Variants in ABI3BP observed in about 807,000 individuals in gnomAD.
ABI3BP encodes target of Nesh-SH3.
In ABI3BP, 216 loss-of-function variants were observed where a neutral mutation model predicts 268.6. That is an observed-to-expected ratio of 0.80 (90% CI 0.72 to 0.90). The LOEUF is 0.90. Among genes scored for constraint, ABI3BP ranks in the 40% least tolerant of loss-of-function variants. ABI3BP has a pLI of 0.00. For synonymous variants in ABI3BP, 730 were observed against 730.0 expected, an observed-to-expected ratio of 1.00 and a Z score of 0.00; for missense variants, 2,090 against 2,182.4, an observed-to-expected ratio of 0.96 and a Z score of 0.84.
At chr3:100,964,006 T>C (rs1343211630) in intron 1 of ABI3BP, among the ~76,000 whole-genome samples, 1 of 152,224 alleles carries the variant, frequency 6.6e-6, no homozygotes, top group African/African-American at 2.4e-5. Context: ...TCATTTAGTA[T>C]ACTATTAATA....
In ABI3BP at chr3:100,797,754, C is replaced by T. The variant is rs543934321; in HGVS notation, c.3758-1286G>A. 2.6e-5 allele frequency among the ~76,000 whole-genome samples: 4 copies of T among 152,022 alleles called. No individual in the cohort carries two copies. The East Asian group carries it at 7.7e-4, about 29-fold the overall frequency. ...CAATTGTGAAAACTGGTACACTGAA[C>T]AGAAACTTGACTCAGAACTTTTATG... On this transcript the variant is annotated intron_variant, in intron 51 of 67. Transcript: ENST00000471714.
intron 1 of ABI3BP, among the ~76,000 whole-genome samples, chr3:100,981,452 G>A (rs1404946434): frequency 1.3e-5 from 2 of 151,994 alleles, no homozygotes; most frequent in African/African-American, 4.8e-5. Context: ...TGAAAGTTTA[G>A]GAAAGAGAAT....
chr3:100,898,803 T>A lies in ABI3BP; in HGVS notation c.420A>T (p.Pro140=), dbSNP rs924324589. ...VFLSWGFLIN[P]HHDWTLPSHC... is the part of the protein sequence containing the mutation. Reference sequence around the variant, plus strand: ...GACTTGGCAATGTCCAGTCATGGTGTGGGTTGATGAGGAAACCCCAGGACA... The same window carrying A: ...GACTTGGCAATGTCCAGTCATGGTGAGGGTTGATGAGGAAACCCCAGGACA... Residue 140 remains proline, a synonymous_variant, in exon 4 of 68, where the codon CCA becomes CCT. Coordinates refer to ENST00000471714, the MANE Select transcript of ABI3BP (RefSeq NM_001375547.2). The A allele has an allele frequency of 1.9e-6, 3 of 1,613,730 alleles. No individual in the cohort carries two copies. Among genetic ancestry groups the A allele is most frequent in the Non-Finnish European group, 2.5e-6 (3 of 1,179,814 alleles).
At chr3:100,964,336 C>A (rs770827578) in intron 1 of ABI3BP, among the ~76,000 whole-genome samples, 1 of 152,200 alleles carries the variant, frequency 6.6e-6, no homozygotes, top group African/African-American at 2.4e-5. Context: ...AAATGTCATA[C>A]CTGATCAAAC....
intron 34 of ABI3BP, among the ~76,000 whole-genome samples, chr3:100,826,262 C>T (rs1160698872): frequency 6.6e-6 from 1 of 152,174 alleles, no homozygotes; most frequent in Non-Finnish European, 1.5e-5. Context: ...TTCCAGCCTC[C>T]AGAGTTGTGA....
At chr3:100,978,955 C>T (rs1295955545) in intron 1 of ABI3BP, among the ~76,000 whole-genome samples, 3 of 152,158 alleles carry the variant, frequency 2.0e-5, no homozygotes, top group African/African-American at 7.2e-5. Context: ...TTAGGGGAGG[C>T]AGGATTCTGC....
intron 19 of ABI3BP, among the ~76,000 whole-genome samples, chr3:100,847,279 T>C (rs1416856489): frequency 1.3e-5 from 2 of 152,106 alleles, no homozygotes; most frequent in African/African-American, 4.8e-5. Flanking sequence ...CTTGAGAGTC[T>C]TACTAAAAAA....
intron 9 of ABI3BP, among the ~76,000 whole-genome samples, chr3:100,868,263 T>C (rs951129778): frequency 6.6e-6 from 1 of 152,230 alleles, no homozygotes; most frequent in Non-Finnish European, 1.5e-5. Context: ...TACTGTAGGA[T>C]GTTGAAGAGT....
chr3:100,818,130 A>G (rs1463839623), intron 41 of ABI3BP, among the ~76,000 whole-genome samples: 4 of 152,222 alleles, frequency 2.6e-5, no homozygotes, highest in African/African-American at 9.6e-5. Context: ...CAAAAAAATC[A>G]ATGTTACACA....
chr3:100,908,608 C>A (rs1238181382), intron 2 of ABI3BP, among the ~76,000 whole-genome samples: 14 of 151,926 alleles, frequency 9.2e-5, no homozygotes, highest in African/African-American at 2.9e-4. Flanking sequence ...TCTTATACAC[C>A]AATAACAGAC....
chr3:100,957,816 G>A (rs1245252959), intron 1 of ABI3BP, among the ~76,000 whole-genome samples: 1 of 152,178 alleles, frequency 6.6e-6, no homozygotes, highest in African/African-American at 2.4e-5. Context: ...AAATTGTGAG[G>A]TACTTAGTGT....
chr3:100,821,167 C>G (rs922115652), intron 38 of ABI3BP, 54 bp from the exon 39 acceptor site: 2 of 1,448,300 alleles, frequency 1.4e-6, no homozygotes, highest in Non-Finnish European at 1.9e-6. Context: ...AATGTAAACT[C>G]AAAACTTTTC....
chr3:100,972,662 T>G (rs2084179029), intron 1 of ABI3BP, among the ~76,000 whole-genome samples: 1 of 152,202 alleles, frequency 6.6e-6, no homozygotes, highest in African/African-American at 2.4e-5. Context: ...TCCTGAATGT[T>G]TTGGATTTCT....
intron 62 of ABI3BP, among the ~76,000 whole-genome samples, chr3:100,769,100 G>T (rs1464898585): frequency 2.0e-5 from 3 of 152,194 alleles, no homozygotes; most frequent in Admixed American, 6.5e-5. Flanking sequence ...TGAGCTGCTG[G>T]TTTGTAAACA....
chr3:100,899,308 C>T (rs1455502553), intron 3 of ABI3BP, among the ~76,000 whole-genome samples: 1 of 151,900 alleles, frequency 6.6e-6, no homozygotes, highest in Non-Finnish European at 1.5e-5. Context: ...TTATTTTTTT[C>T]CCGGGACTGT....
At chr3:100,838,785 C>A (rs1034966801) in intron 24 of ABI3BP, among the ~76,000 whole-genome samples, 2 of 152,086 alleles carry the variant, frequency 1.3e-5, no homozygotes, top group Admixed American at 6.6e-5. Context: ...AAAAGGTTTT[C>A]TTCAGTATAC....
intron 21 of ABI3BP, among the ~76,000 whole-genome samples, chr3:100,841,106 C>G (rs2098689408): frequency 6.7e-6 from 1 of 149,068 alleles, no homozygotes; most frequent in African/African-American, 2.5e-5. Flanking sequence ...GCATGATTCT[C>G]ACTTGGAACA....
chr3:100,780,027 G>A (rs544736119), intron 58 of ABI3BP, 105 bp downstream of exon 58: 7 of 938,908 alleles, frequency 7.5e-6, no homozygotes, highest in South Asian at 4.2e-5. Flanking sequence ...CTGATACTTC[G>A]GGGGCTGTGT....
At chr3:100,844,538 T>A (rs1440297497) in intron 20 of ABI3BP, 2 of 829,374 alleles carry the variant, frequency 2.4e-6, no homozygotes, top group Non-Finnish European at 1.5e-6. Flanking sequence ...GGGAAAGGCC[T>A]CAAAAAGCTT....
Sources: allele counts gnomAD v4.1 joint callset (sites outside exome capture counted in the v4.1 genomes callset), GRCh38; gene constraint gnomAD v4.1.1; transcripts MANE v1.5; gene names NCBI Gene and HGNC (gene_info 2026-07-23, HGNC 2026-07-21).